The following DLGAP2 variants were observed in gnomAD, a reference collection of about 807,000 sequenced individuals.
DLGAP2 encodes disks large-associated protein 2.
Under a neutral mutation model 100.3 loss-of-function variants are expected in DLGAP2, and 26 were observed. The ratio of observed to expected loss-of-function variants is 0.26; its 90% CI spans 0.19 to 0.36. The LOEUF (loss-of-function observed/expected upper bound fraction) is 0.36, where lower values mean the gene tolerates loss of function less well. DLGAP2 is among the 10% of genes least tolerant of loss of function. The pLI, the probability that DLGAP2 is intolerant of heterozygous loss-of-function variation, is 1.00. For synonymous variants in DLGAP2, 886 were observed against 630.1 expected (o/e 1.41, Z -6.08); for missense variants, 1,858 against 1,453.2 (o/e 1.28, Z -4.53).
chr8:1,200,691 C>A (rs562894496), intron 2 of DLGAP2, among the ~76,000 whole-genome samples: 1 of 151,670 alleles, frequency 6.6e-6, no homozygotes, highest in African/African-American at 2.4e-5. Context: ...CCTTGACCTT[C>A]AAAGGTTGGA....
chr8:1,655,402 G>C (rs1026505592), intron 8 of DLGAP2, among the ~76,000 whole-genome samples: 1 of 152,194 alleles, frequency 6.6e-6, no homozygotes, highest in Non-Finnish European at 1.5e-5. Flanking sequence ...AATTAAGAGA[G>C]TGCAATGAAT....
chr8:1,236,957 G>C (rs1208973905), intron 2 of DLGAP2, among the ~76,000 whole-genome samples: 7 of 143,844 alleles, frequency 4.9e-5, no homozygotes, highest in African/African-American at 1.8e-4. Flanking sequence ...GCCGTGTCTA[G>C]TTCTCTCACA....
intron 2 of DLGAP2, among the ~76,000 whole-genome samples, chr8:1,026,162 G>C (rs1369718972): frequency 1.3e-5 from 2 of 152,196 alleles, no homozygotes; most frequent in Non-Finnish European, 2.9e-5. Flanking sequence ...CCATGGCTGT[G>C]AAAATGGAAT....
intron 4 of DLGAP2, among the ~76,000 whole-genome samples, chr8:1,531,175 A>C (rs940786283): frequency 6.6e-6 from 1 of 152,080 alleles, no homozygotes; most frequent in African/African-American, 2.4e-5. Context: ...TCCCCGCTAA[A>C]AAAGCAGGCA....
At chr8:1,190,421 TGCTGTTGGGGC>T in intron 2 of DLGAP2, among the ~76,000 whole-genome samples, 1 of 151,910 alleles carries the variant, frequency 6.6e-6, no homozygotes, top group East Asian at 1.9e-4. Context: ...TTGGGGCATC[TGCTGTTGGGGC>T]ATCTGCTGTT....
At chr8:1,540,535 G>GA (rs1205621174) in intron 4 of DLGAP2, among the ~76,000 whole-genome samples, 31 of 150,966 alleles carry the variant, frequency 2.1e-4, no homozygotes, top group Admixed American at 8.6e-4. Flanking sequence ...CATGAGAAAA[G>GA]AAAAAAAAAC....
chr8:1,349,716 T>A (rs1801662966), intron 3 of DLGAP2, among the ~76,000 whole-genome samples: 1 of 151,680 alleles, frequency 6.6e-6, no homozygotes, highest in South Asian at 2.1e-4. Context: ...GTCATGAGCC[T>A]CCCGCCCACA....
Position 1,103,399 on chromosome 8 carries a change from G to A in DLGAP2, c.74-155452G>A, listed in dbSNP as rs182102066. Among the ~76,000 whole-genome samples the A allele has an allele frequency of 3.3e-3, 502 of 151,682 alleles. 5 individuals are homozygous for A. Among genetic ancestry groups the A allele is most frequent in the African/African-American group, 0.011 (470 of 41,040 alleles). ...CTTGGTTAACGGTGACGACTGGCAG[G>A]GCCTTGTTTAACGGTGATGACTGGC... On this transcript the variant is annotated intron_variant, in intron 2 of 14. Coordinates refer to ENST00000637795, the MANE Select transcript of DLGAP2 (RefSeq NM_001346810.2).
chr8:1,653,592 C>T (rs554131557), intron 8 of DLGAP2, among the ~76,000 whole-genome samples: 5 of 152,320 alleles, frequency 3.3e-5, no homozygotes, highest in South Asian at 2.1e-4. Flanking sequence ...CTGATGGGTC[C>T]GTCTCTCAGA....
At chr8:1,630,984 C>T (rs182294469) in intron 7 of DLGAP2, among the ~76,000 whole-genome samples, 1,174 of 103,540 alleles carry the variant, frequency 0.011, 20 homozygotes, top group African/African-American at 0.033. Context: ...GCGGGAGGTC[C>T]GGGTGTCCCG....
intron 2 of DLGAP2, among the ~76,000 whole-genome samples, chr8:1,180,315 C>G (rs77042299): frequency 1.7e-3 from 266 of 152,324 alleles, no homozygotes; most frequent in African/African-American, 5.9e-3. Context: ...GCGTTCCCTC[C>G]TGCCAAATCC....
chr8:1,033,124 C>A (rs563820913), intron 2 of DLGAP2, among the ~76,000 whole-genome samples: 7 of 152,270 alleles, frequency 4.6e-5, no homozygotes, highest in African/African-American at 1.7e-4. Context: ...TCCCTCCCCC[C>A]ATCCCTCTCT....
At chr8:932,039 C>G (rs1008648890) in intron 2 of DLGAP2, among the ~76,000 whole-genome samples, 1 of 152,126 alleles carries the variant, frequency 6.6e-6, no homozygotes, top group African/African-American at 2.4e-5. Flanking sequence ...TGGAAATATT[C>G]CCTTCTAGGA....
chr8:1,675,659 A>G (rs1394432728), intron 10 of DLGAP2, among the ~76,000 whole-genome samples: 1 of 152,194 alleles, frequency 6.6e-6, no homozygotes, highest in Non-Finnish European at 1.5e-5. Context: ...AATATTTTTA[A>G]GAAGGGAGAG....
chr8:1,047,908 C>T (rs1802559601), intron 2 of DLGAP2, among the ~76,000 whole-genome samples: 1 of 152,172 alleles, frequency 6.6e-6, no homozygotes, highest in East Asian at 1.9e-4. Flanking sequence ...TTTTGTGGCT[C>T]TCAGTTTTAT....
intron 3 of DLGAP2, among the ~76,000 whole-genome samples, chr8:1,292,316 T>C (rs1800076142): frequency 6.6e-6 from 1 of 152,152 alleles, no homozygotes; most frequent in South Asian, 2.1e-4. Context: ...GAGGTGGACC[T>C]AGCATGTGGT....
intron 3 of DLGAP2, among the ~76,000 whole-genome samples, chr8:1,308,496 T>G (rs929119646): frequency 5.3e-5 from 8 of 152,170 alleles, no homozygotes; most frequent in Non-Finnish European, 1.0e-4. Flanking sequence ...GAAAGTATGG[T>G]CCATTCAGGA....
At chr8:1,226,774 C>T (rs1007757772) in intron 2 of DLGAP2, among the ~76,000 whole-genome samples, 1 of 151,938 alleles carries the variant, frequency 6.6e-6, no homozygotes, top group African/African-American at 2.4e-5. Context: ...CCTCAGTAAA[C>T]ATCAGTAATC....
At chr8:1,384,406 T>A (rs55962666) in intron 3 of DLGAP2, among the ~76,000 whole-genome samples, 4,946 of 37,370 alleles carry the variant, frequency 0.13, 181 homozygotes, top group Non-Finnish European at 0.14. Flanking sequence ...AACTTGGTGC[T>A]CAGTTACCCC....
Sources: gnomAD v4.1 joint callset for allele counts (sites outside exome capture counted in the v4.1 genomes callset) on GRCh38, gnomAD v4.1.1 for gene constraint, MANE v1.5 for transcripts, NCBI Gene and HGNC (gene_info 2026-07-23, HGNC 2026-07-21) for gene names.